Variants in UBE2E2 observed in about 807,000 individuals in gnomAD.
UBE2E2 encodes the protein ubiquitin conjugating enzyme E2 E2.
Under a neutral mutation model 24.7 loss-of-function variants are expected in UBE2E2, and 6 were observed. That is an observed-to-expected ratio of 0.24 (90% CI 0.13 to 0.48). UBE2E2 has a LOEUF of 0.48. Ranked by LOEUF, UBE2E2 falls within the 20% of genes least tolerant of loss-of-function variation. The pLI is 0.99. For synonymous variants in UBE2E2, 104 were observed against 83.6 expected (o/e 1.24, Z -1.33); for missense variants, 169 against 245.0 (o/e 0.69, Z 2.07).
intron 3 of UBE2E2, among the ~76,000 whole-genome samples, chr3:23,330,531 C>T (rs1575564948): frequency 6.6e-6 from 1 of 152,262 alleles, no homozygotes; most frequent in East Asian, 1.9e-4. Context: ...TTGAATAGTA[C>T]ACGAATTACA....
chr3:23,250,926 T>C (rs1192053926), intron 3 of UBE2E2, among the ~76,000 whole-genome samples: 1 of 152,180 alleles, frequency 6.6e-6, no homozygotes, highest in Non-Finnish European at 1.5e-5. Context: ...AGCACCATTA[T>C]AGCTCACTGC....
chr3:23,254,309 A>T (rs1697656116), intron 3 of UBE2E2, among the ~76,000 whole-genome samples: 1 of 152,240 alleles, frequency 6.6e-6, no homozygotes, highest in Admixed American at 6.5e-5. Context: ...ATGACTTGAA[A>T]GCATGGGGAA....
chr3:23,318,441 A>G (rs1018966041), intron 3 of UBE2E2, among the ~76,000 whole-genome samples: 2 of 152,212 alleles, frequency 1.3e-5, no homozygotes, highest in Non-Finnish European at 2.9e-5. Flanking sequence ...GAAAGTGTTT[A>G]TTAGAGAAAC....
intron 3 of UBE2E2, among the ~76,000 whole-genome samples, chr3:23,359,404 T>G (rs1696052479): frequency 6.6e-6 from 1 of 152,212 alleles, no homozygotes; most frequent in Non-Finnish European, 1.5e-5. Flanking sequence ...CAGATATGAA[T>G]GGGCTAGTGT....
At chr3:23,347,358 G>C (rs1228620784) in intron 3 of UBE2E2, among the ~76,000 whole-genome samples, 2 of 152,164 alleles carry the variant, frequency 1.3e-5, no homozygotes, top group Non-Finnish European at 2.9e-5. Flanking sequence ...ATACACCACG[G>C]AATACTATGC....
intron 3 of UBE2E2, among the ~76,000 whole-genome samples, chr3:23,295,769 T>C (rs1371464577): frequency 6.6e-6 from 1 of 152,180 alleles, no homozygotes; most frequent in Non-Finnish European, 1.5e-5. Context: ...CTTGCACTTC[T>C]ATTAAGAGTC....
chr3:23,251,649 T>A (rs1697577359), intron 3 of UBE2E2, among the ~76,000 whole-genome samples: 1 of 152,242 alleles, frequency 6.6e-6, no homozygotes, highest in African/African-American at 2.4e-5. Flanking sequence ...AGTGATTCAT[T>A]ATTAACTTCT....
intron 3 of UBE2E2, among the ~76,000 whole-genome samples, chr3:23,364,693 G>A (rs932581195): frequency 1.1e-4 from 16 of 152,122 alleles, no homozygotes; most frequent in African/African-American, 3.9e-4. Flanking sequence ...TACTGAATGT[G>A]TAAGGAAAAG....
rs1697402884 is a variant in UBE2E2, at chr3:23,407,902, G to T, written c.228-91706G>T. 1.3e-5 allele frequency among the ~76,000 whole-genome samples: 2 copies of T among 150,762 alleles called. No individual in the cohort carries two copies. Among genetic ancestry groups the T allele is most frequent in the East Asian group, 3.9e-4 (2 of 5,150 alleles). ...CTGTTTCAGTAATTCTTAATTTGAAGTTTATAGAAATTAGTGGGTATTGGA... is the reference window on the plus strand; with the variant it reads ...CTGTTTCAGTAATTCTTAATTTGAATTTTATAGAAATTAGTGGGTATTGGA... On this transcript the variant is annotated intron_variant, in intron 3 of 5. Coordinates refer to ENST00000396703, the MANE Select transcript of UBE2E2 (RefSeq NM_152653.4). The surrounding 1 kb of genome is among the most constrained non-coding windows in gnomAD (Gnocchi z 4.0).
chr3:23,447,717 A>G (rs151280309), intron 3 of UBE2E2, among the ~76,000 whole-genome samples: 1,526 of 152,290 alleles, frequency 0.01, 13 homozygotes, highest in Non-Finnish European at 0.015. Flanking sequence ...TGACTGTTAC[A>G]CTTATCAAGA....
At chr3:23,293,711 G>T (rs1194876797) in intron 3 of UBE2E2, among the ~76,000 whole-genome samples, 2 of 152,026 alleles carry the variant, frequency 1.3e-5, no homozygotes, top group Admixed American at 1.3e-4. Context: ...GTCATAGCAG[G>T]CTCTTCTCCA....
intron 3 of UBE2E2, among the ~76,000 whole-genome samples, chr3:23,437,759 G>A (rs1459569682): frequency 6.6e-6 from 1 of 152,162 alleles, no homozygotes; most frequent in African/African-American, 2.4e-5. Context: ...GGTTCTTTGT[G>A]TGATACTTGT....
intron 3 of UBE2E2, among the ~76,000 whole-genome samples, chr3:23,269,155 T>C (rs1294451949): frequency 1.3e-5 from 2 of 152,134 alleles, no homozygotes; most frequent in African/African-American, 4.8e-5. Context: ...AAGGACTTCA[T>C]GTCTAAAACA....
rs369097134 is a variant in UBE2E2, at chr3:23,495,736, A to G, written c.228-3872A>G. 3.3e-5 allele frequency among the ~76,000 whole-genome samples: 5 copies of G among 152,254 alleles called. No homozygotes were observed. The East Asian group carries it at 9.7e-4, about 29-fold the overall frequency. On this transcript the variant is annotated intron_variant, in intron 3 of 5. Coordinates refer to ENST00000396703, the MANE Select transcript of UBE2E2 (RefSeq NM_152653.4). ...TGGCAACAAGAGGCTGTTGTTGCCA[A>G]AGCTTTATTGTCATCTGGGCTGAAT...
At chr3:23,269,314 G>A (rs1035218684) in intron 3 of UBE2E2, among the ~76,000 whole-genome samples, 1 of 152,142 alleles carries the variant, frequency 6.6e-6, no homozygotes, top group Non-Finnish European at 1.5e-5. Context: ...CTGACAAAGG[G>A]CTAATATCCA....
chr3:23,339,477 G>A (rs1347311874), intron 3 of UBE2E2, among the ~76,000 whole-genome samples: 2 of 152,056 alleles, frequency 1.3e-5, no homozygotes, highest in Non-Finnish European at 2.9e-5. Flanking sequence ...TAATGTTTGG[G>A]GAAGCTGGGT....
At chr3:23,331,142 T>G (rs1342598995) in intron 3 of UBE2E2, among the ~76,000 whole-genome samples, 1 of 152,238 alleles carries the variant, frequency 6.6e-6, no homozygotes, top group Non-Finnish European at 1.5e-5. Flanking sequence ...TTGAATTTTT[T>G]CCATTAGTGT....
At chr3:23,585,901 CAT>C (rs1220111525) in intron 5 of UBE2E2, among the ~76,000 whole-genome samples, 1 of 132,098 alleles carries the variant, frequency 7.6e-6, no homozygotes, top group African/African-American at 3.1e-5. Flanking sequence ...TGGTTGATAA[CAT>C]GTTTTTTTTT....
chr3:23,257,455 A>G (rs1217275121), intron 3 of UBE2E2, among the ~76,000 whole-genome samples: 1 of 127,144 alleles, frequency 7.9e-6, no homozygotes, highest in Non-Finnish European at 1.6e-5. Context: ...ATGAAGCTCC[A>G]TTGCTTTATC....
Sources: allele counts gnomAD v4.1 joint callset (sites outside exome capture counted in the v4.1 genomes callset), GRCh38; gene constraint gnomAD v4.1.1; non-coding constraint Gnocchi (gnomAD v3.1); transcripts MANE v1.5; gene names NCBI Gene and HGNC (gene_info 2026-07-23, HGNC 2026-07-21).